CPNE5: variants seen among roughly 807,000 people sequenced by gnomAD.
CPNE5 encodes copine 5, also known as copine-5.
A neutral mutation model predicts 81.1 loss-of-function variants in CPNE5; 42 were observed. The observed-to-expected ratio is 0.52, with a 90% CI of 0.40 to 0.67. The LOEUF (loss-of-function observed/expected upper bound fraction) is 0.67, where lower values mean the gene tolerates loss of function less well. CPNE5 is among the 30% of genes least tolerant of loss of function. The pLI, the probability that CPNE5 is intolerant of heterozygous loss-of-function variation, is 0.00. For missense variants in CPNE5, 612 were observed against 815.5 expected (o/e 0.75, Z 3.04); for synonymous variants, 313 against 321.5 (o/e 0.97, Z 0.28).
intron 20 of CPNE5, chr6:36,743,310 G>C: frequency 1.2e-6 from 1 of 835,580 alleles, no homozygotes; most frequent in Non-Finnish European, 1.4e-6. Flanking sequence ...TCAGTTAACC[G>C]AGCAATGCCT....
intron 20 of CPNE5, chr6:36,743,319 C>G: frequency 1.2e-6 from 1 of 812,426 alleles, no homozygotes. Flanking sequence ...CGAGCAATGC[C>G]TATTCTTGGA....
intron 3 of CPNE5, among the ~76,000 whole-genome samples, chr6:36,809,958 A>G (rs1770950529): frequency 6.6e-6 from 1 of 151,602 alleles, no homozygotes; most frequent in Non-Finnish European, 1.5e-5. Flanking sequence ...ACCCCCTCCA[A>G]TGACCCCGTG....
chr6:36,816,767 C>T lies in CPNE5; in HGVS notation c.183+5347G>A, dbSNP rs138484286. ...GAGCAAGGAATTACAGCCCCTCTCCCGTCCCCAGTATGTTTGTTTGTTTGC... is the reference window on the plus strand; with the variant it reads ...GAGCAAGGAATTACAGCCCCTCTCCTGTCCCCAGTATGTTTGTTTGTTTGC... On this transcript the variant is annotated intron_variant, in intron 3 of 20. Coordinates refer to ENST00000244751, the MANE Select transcript of CPNE5 (RefSeq NM_020939.2). 8.5e-4 allele frequency among the ~76,000 whole-genome samples: 130 copies of T among 152,298 alleles called. 1 individual carries two copies. The East Asian group carries it at 0.024, about 28-fold the overall frequency.
chr6:36,807,744 C>T (rs1770726486), intron 3 of CPNE5, among the ~76,000 whole-genome samples: 2 of 152,202 alleles, frequency 1.3e-5, no homozygotes, highest in South Asian at 2.1e-4. Context: ...GAGGCAAATG[C>T]AGGGCTGGCC....
Position 36,744,275 on chromosome 6 carries a change from C to T in CPNE5, c.1482G>A (p.Glu494=). 1 of 1,580,032 alleles carries T rather than the reference C, an allele frequency of 6.3e-7. No homozygotes were observed. ...SIIIVGVGQA[E]FDAMVELDGD... ...GGCAGCAGCTGGACTCACCGTCGAA[C>T]TCTGCCTGGCCCACGCCGACGATAA... The change falls in exon 19 of 21, where the codon GAG becomes GAA. Residue 494 remains glutamate (E), a synonymous_variant. Transcript: ENST00000244751.
intron 1 of CPNE5, among the ~76,000 whole-genome samples, chr6:36,825,657 G>A (rs544351416): frequency 3.5e-4 from 53 of 152,342 alleles, no homozygotes; most frequent in Admixed American, 1.6e-3. Flanking sequence ...GGGGCTGCAC[G>A]TGAGACACCA....
rs745803524 is a variant in CPNE5 at position 36,745,154 on chromosome 6, G to A, written c.1329-4C>T. The A allele has an allele frequency of 2.5e-6, 4 of 1,610,786 alleles. No individual in the cohort carries two copies. The highest frequency in any genetic ancestry group is 1.1e-5 in the South Asian group (1 of 90,982). On this transcript the variant is annotated splice_region_variant and splice_polypyrimidine_tract_variant and intron_variant, in intron 17 of 20. Coordinates refer to ENST00000244751, the MANE Select transcript of CPNE5 (RefSeq NM_020939.2). ...ATCCTGCACGGCCGCTGCATTCCTG[G>A]GTGGGGCAGGTGTGGGCTCAGGTCT...
chr6:36,778,086 T>C (rs1767710847), intron 9 of CPNE5, among the ~76,000 whole-genome samples: 1 of 152,196 alleles, frequency 6.6e-6, no homozygotes, highest in South Asian at 2.1e-4. Context: ...AAAGAGACTG[T>C]GGAGACCACA....
At chr6:36,798,941 T>G (rs1274375608) in intron 4 of CPNE5, among the ~76,000 whole-genome samples, 10 of 152,092 alleles carry the variant, frequency 6.6e-5, no homozygotes, top group Admixed American at 6.5e-4. Flanking sequence ...CCTTATAGCT[T>G]CACCCTACCC....
intron 6 of CPNE5, among the ~76,000 whole-genome samples, chr6:36,796,307 A>C (rs1769567300): frequency 6.6e-6 from 1 of 152,198 alleles, no homozygotes; most frequent in African/African-American, 2.4e-5. Flanking sequence ...AGCCATCTCC[A>C]TAGGAAGTCT....
At chr6:36,745,250 G>A in intron 17 of CPNE5, 100 bp from the exon 18 acceptor site, 2 of 1,414,678 alleles carry the variant, frequency 1.4e-6, no homozygotes, top group Non-Finnish European at 1.9e-6. Context: ...GACAGCTCTT[G>A]GGGGAATCTC....
intron 3 of CPNE5, among the ~76,000 whole-genome samples, chr6:36,813,070 G>A (rs774592034): frequency 1.4e-4 from 21 of 152,200 alleles, no homozygotes; most frequent in Non-Finnish European, 2.9e-4. Flanking sequence ...GGCATTGAAC[G>A]AACTGGATCC....
At chr6:36,830,277 T>A (rs1583045845) in intron 1 of CPNE5, among the ~76,000 whole-genome samples, 1 of 152,264 alleles carries the variant, frequency 6.6e-6, no homozygotes, top group East Asian at 1.9e-4. Flanking sequence ...CTCCGTCTTA[T>A]CCTCACTGTC....
chr6:36,791,174 C>T (rs1769060617), intron 8 of CPNE5, among the ~76,000 whole-genome samples: 1 of 152,108 alleles, frequency 6.6e-6, no homozygotes, highest in Non-Finnish European at 1.5e-5. Context: ...CTTTTATAGC[C>T]ACTCTTAGGT....
At chr6:36,789,818 G>T (rs1382612313) in intron 8 of CPNE5, among the ~76,000 whole-genome samples, 1 of 152,310 alleles carries the variant, frequency 6.6e-6, no homozygotes, top group South Asian at 2.1e-4. Flanking sequence ...ACTGCACCCC[G>T]AGTCCTGCCC....
chr6:36,823,597 G>A (rs1002160862), intron 1 of CPNE5, among the ~76,000 whole-genome samples: 4 of 152,198 alleles, frequency 2.6e-5, no homozygotes, highest in African/African-American at 9.7e-5. Context: ...CCCAGGGGAA[G>A]CCGACTCATT....
intron 11 of CPNE5, among the ~76,000 whole-genome samples, chr6:36,764,406 G>A (rs1270658140): frequency 6.6e-6 from 1 of 152,104 alleles, no homozygotes; most frequent in Non-Finnish European, 1.5e-5. Context: ...GTCTCACCTG[G>A]AGCTGCATTT....
intron 12 of CPNE5, among the ~76,000 whole-genome samples, chr6:36,762,097 T>A (rs951379491): frequency 3.3e-5 from 5 of 151,324 alleles, no homozygotes; most frequent in Admixed American, 1.3e-4. Context: ...ACAAGAAATT[T>A]AAAAAATTAG....
At chr6:36,798,615 T>C (rs1769811434) in intron 4 of CPNE5, 121 bp from the exon 5 acceptor site, 2 of 793,964 alleles carry the variant, frequency 2.5e-6, no homozygotes, top group Non-Finnish European at 4.3e-6. Context: ...ACAGTGAATA[T>C]TTCTAGGAGT....
Sources: allele counts gnomAD v4.1 joint callset (sites outside exome capture counted in the v4.1 genomes callset), GRCh38; gene constraint gnomAD v4.1.1; transcripts MANE v1.5; gene names NCBI Gene and HGNC (gene_info 2026-07-23, HGNC 2026-07-21).